The following LCN10 variants were observed in gnomAD, a reference collection of about 807,000 sequenced individuals.
LCN10 encodes lipocalin 10, also known as epididymal-specific lipocalin-10.
Under a neutral mutation model 25.1 loss-of-function variants are expected in LCN10, and 18 were observed. The ratio of observed to expected loss-of-function variants is 0.72; its 90% confidence interval spans 0.50 to 1.06. LCN10 has a LOEUF of 1.06. LCN10 is among the 50% of genes least tolerant of loss of function. The pLI is 0.00. For synonymous variants in LCN10, 130 were observed against 116.7 expected, an observed-to-expected ratio of 1.11 and a Z score of -0.73; for missense variants, 257 against 258.9, an observed-to-expected ratio of 0.99 and a Z score of 0.05.
Position 136,741,900 on chromosome 9 carries a change from C to A in LCN10, c.238G>T (p.Val80Leu). The stretch of plus-strand genomic sequence containing the variant: ...ACTCACCGTCTGAAGGCGAGGAGCA[C>A]GCGGAGCTGGCCCACTTTGTTCACC... ...VKVNKVGQLR[V>L]LLAFRRLKGC... Residue 80 changes from valine to leucine, a missense_variant, in exon 2 of 6, where the codon GTG becomes TTG. Coordinates refer to ENST00000497771, the MANE Select transcript of LCN10 (RefSeq NM_001001712.3). The A allele has an allele frequency of 6.2e-7, 1 of 1,607,766 alleles. No homozygotes were observed. Among genetic ancestry groups the A allele is most frequent in the Non-Finnish European group, 8.5e-7 (1 of 1,177,584 alleles).
intron 3 of LCN10, 130 bp downstream of exon 3, chr9:136,741,121 GT>G (rs1846923467): frequency 9.9e-7 from 1 of 1,011,284 alleles, no homozygotes; most frequent in South Asian, 1.5e-5. Context: ...CACATGACGT[GT>G]GGGCTCTGGG....
rs560804350 is a variant in LCN10, at chr9:136,742,295, G to C, written c.118-275C>G. On this transcript the variant is annotated intron_variant, in intron 1 of 5. Coordinates refer to ENST00000497771, the MANE Select transcript of LCN10 (RefSeq NM_001001712.3). ...GGAGGCCCCCTACCTCAGAGGCCCC[G>C]GCTCCTTCCCACATGGCCTCCTGGG... 397 of 485,814 alleles carry C rather than the reference G, an allele frequency of 8.2e-4. 1 individual carries two copies. The highest frequency in any genetic ancestry group is 7.3e-3 in the African/African-American group (373 of 50,868). The allele number at this position is 485,814 out of a possible 1,614,324, so 30.1% of individuals were successfully genotyped here.
chr9:136,741,747 G>C lies in LCN10; in HGVS notation c.257+134C>G, dbSNP rs758301932. On this transcript the variant is annotated intron_variant, in intron 2 of 5. Coordinates refer to ENST00000497771, the MANE Select transcript of LCN10 (RefSeq NM_001001712.3). Reference sequence around the variant, plus strand: ...CTGCAGGTGGCTTCCTCTGAGTTTAGGGGGAGGAAGTGGGGGGACGGTTCT... The same window carrying C: ...CTGCAGGTGGCTTCCTCTGAGTTTACGGGGAGGAAGTGGGGGGACGGTTCT... 486 of 1,244,448 alleles carry C rather than the reference G, an allele frequency of 3.9e-4. 2 individuals are homozygous for C. The highest frequency in any genetic ancestry group is 5.1e-4 in the Non-Finnish European group (465 of 920,526). 77.1% of individuals were successfully genotyped at this position (1,244,448 alleles called of 1,614,324 possible).
chr9:136,742,751 G>C, intron 1 of LCN10, 36 bp downstream of exon 1: 2 of 1,609,784 alleles, frequency 1.2e-6, no homozygotes, highest in Non-Finnish European at 1.7e-6. Context: ...CTCCAGAGCC[G>C]GCGCCCGGCT....
Position 136,739,229 on chromosome 9 carries a change from G to T in LCN10, c.*296C>A. On this transcript the variant is annotated 3_prime_UTR_variant, in exon 6 of 6. Transcript: ENST00000497771. The surrounding 1 kb of genome is among the most constrained non-coding windows in gnomAD (Gnocchi z 6.1). ...CACACGGCGAGGACTGCGTTGGGCC[G>T]GCCTGTGGTCTGTTTCACAGCAGAC... The T allele has an allele frequency of 2.4e-6, 1 of 420,898 alleles. No homozygotes were observed. The highest frequency in any genetic ancestry group is 2.6e-5 in the South Asian group (1 of 38,960). 26.1% of individuals were successfully genotyped at this position (420,898 alleles called of 1,614,324 possible).
rs924821637 is a variant in LCN10 at position 136,738,667 on chromosome 9, GC to G, written c.*857del. The G allele has an allele frequency of 1.3e-5, 2 of 152,304 alleles. No homozygotes were observed. Among genetic ancestry groups the G allele is most frequent in the African/African-American group, 4.8e-5 (2 of 41,514 alleles). The allele number at this position is 152,304 out of a possible 1,614,324, so 9.4% of individuals were successfully genotyped here. A position where few individuals can be genotyped will look rare whatever the true frequency, so the allele number is the denominator to read the frequency against. On this transcript the variant is annotated 3_prime_UTR_variant, in exon 6 of 6. Coordinates refer to ENST00000497771, the MANE Select transcript of LCN10 (RefSeq NM_001001712.3). Reference sequence around the variant, plus strand: ...GTGGGCCCCCTCCTGCTCCTCTGTGGCTCTCCCCGCCGCCATTCTGATACTG... The same window carrying G: ...GTGGGCCCCCTCCTGCTCCTCTGTGGTCTCCCCGCCGCCATTCTGATACTG...
rs1179280331 is a variant in LCN10 at position 136,741,313 on chromosome 9, C to G, written c.306G>C (p.Lys102Asn). 1 of 1,613,462 alleles carries G rather than the reference C, an allele frequency of 6.2e-7. No individual in the cohort carries two copies. Among genetic ancestry groups the G allele is most frequent in the South Asian group, 1.1e-5 (1 of 91,090 alleles). The stretch of plus-strand genomic sequence containing the variant: ...CACAGGCGTTCCCAAACACCGGCTT[C>G]TTCCCGTCTTTCCTCAGGATCACCT... ...SQEVILRKDG[K>N]KPVFGNACAY... The change falls in exon 3 of 6, where the codon AAG becomes AAC. Residue 102 changes from lysine (K) to asparagine (N), a missense_variant. Physicochemically the swap from Lys to Asn is moderately conservative, Grantham distance 94. Transcript: ENST00000497771.
In LCN10 at chr9:136,739,845, A is replaced by T; in HGVS notation, c.574+105T>A. 1.0e-6 allele frequency: 1 copy of T among 998,422 alleles called. No homozygotes were observed. The highest frequency in any genetic ancestry group is 1.4e-5 in the South Asian group (1 of 72,976). The allele number at this position is 998,422 out of a possible 1,614,324, so 61.8% of individuals were successfully genotyped here. A position where few individuals can be genotyped will look rare whatever the true frequency, so the allele number is the denominator to read the frequency against. ...CGTTTGGGCGGATCTTTCAAATGGC[A>T]CCTTTCAAATGGATCCTTTCATCTC... On this transcript the variant is annotated intron_variant, in intron 5 of 5. Coordinates refer to ENST00000497771, the MANE Select transcript of LCN10 (RefSeq NM_001001712.3). The surrounding 1 kb of genome is among the most constrained non-coding windows in gnomAD (Gnocchi z 6.1).
chr9:136,742,475 C>A, intron 1 of LCN10: 1 of 467,096 alleles, frequency 2.1e-6, no homozygotes, highest in Non-Finnish European at 3.8e-6. Flanking sequence ...ACAGAATATG[C>A]CCCGCTTGCT....
chr9:136,741,976 C>G lies in LCN10; in HGVS notation c.162G>C (p.Gln54His). 6.2e-7 allele frequency: 1 copy of G among 1,612,870 alleles called. No homozygotes were observed. The highest frequency in any genetic ancestry group is 8.5e-7 in the Non-Finnish European group (1 of 1,179,662). ...TCTTGTCCCTGGCCGGCAAGAATCC[C>G]TGGGCATCAGTGGCAGTGGCCAGAA... ...WYILATATDA[Q>H]GFLPARDKRK... The change falls in exon 2 of 6, where the codon CAG becomes CAC. Residue 54 changes from glutamine to histidine, a missense_variant. Coordinates refer to ENST00000497771, the MANE Select transcript of LCN10 (RefSeq NM_001001712.3).
At position 136,739,840 on chromosome 9, in the gene LCN10, A is replaced by G; in HGVS notation, c.574+110T>C. The G allele has an allele frequency of 1.0e-6, 1 of 989,008 alleles. No homozygotes were observed. The highest frequency in any genetic ancestry group is 1.6e-6 in the Non-Finnish European group (1 of 635,308). 61.3% of individuals were successfully genotyped at this position (989,008 alleles called of 1,614,324 possible). On this transcript the variant is annotated intron_variant, in intron 5 of 5. Transcript: ENST00000497771. This position sits in a 1 kb window ranked among gnomAD's most constrained non-coding sequence, Gnocchi z 6.1. ...AGGCACGTTTGGGCGGATCTTTCAAATGGCACCTTTCAAATGGATCCTTTC... is the reference window on the plus strand; with the variant it reads ...AGGCACGTTTGGGCGGATCTTTCAAGTGGCACCTTTCAAATGGATCCTTTC...
At position 136,741,276 on chromosome 9, in the gene LCN10, C is replaced by G; in HGVS notation, c.343G>C (p.Gly115Arg). The G allele has an allele frequency of 6.2e-7, 1 of 1,613,584 alleles. No individual in the cohort carries two copies. The highest frequency in any genetic ancestry group is 1.1e-5 in the South Asian group (1 of 91,084). The change falls in exon 3 of 6, where the codon GGC becomes CGC. Residue 115 changes from glycine (G) to arginine (R), a missense_variant. Coordinates refer to ENST00000497771, the MANE Select transcript of LCN10 (RefSeq NM_001001712.3). ...VFGNACAYAAGPREGQEGVKG... is the reference protein window; with the variant it reads ...VFGNACAYAARPREGQEGVKG... ...CCTCCCTCCTGTCCTTCCCTCGGGCCCGCCGCGTATGCACAGGCGTTCCCA... is the reference window on the plus strand; with the variant it reads ...CCTCCCTCCTGTCCTTCCCTCGGGCGCGCCGCGTATGCACAGGCGTTCCCA...
intron 3 of LCN10, 72 bp from the exon 4 acceptor site, chr9:136,741,015 C>G (rs752968140): frequency 4.3e-6 from 6 of 1,379,354 alleles, no homozygotes; most frequent in African/African-American, 1.4e-5. Flanking sequence ...GCCCTGACCC[C>G]TGGTGCCCGA....
At position 136,740,810 on chromosome 9, in the gene LCN10, C is replaced by T; in HGVS notation, c.475+26G>A. 1 of 1,587,280 alleles carries T rather than the reference C, an allele frequency of 6.3e-7. No homozygotes were observed. The highest frequency in any genetic ancestry group is 2.2e-5 in the East Asian group (1 of 44,658). On this transcript the variant is annotated intron_variant, in intron 4 of 5. Coordinates refer to ENST00000497771, the MANE Select transcript of LCN10 (RefSeq NM_001001712.3). The surrounding 1 kb of genome is among the most constrained non-coding windows in gnomAD (Gnocchi z 5.3). The stretch of plus-strand genomic sequence containing the variant: ...CTCCCTCTGCACCCCCTCCACCATC[C>T]TCTGCCATCCGCTGTGCCTGCTCAC...
intron 2 of LCN10, 114 bp downstream of exon 2, chr9:136,741,767 G>A (rs550869025): frequency 8.8e-5 from 120 of 1,363,624 alleles, no homozygotes; most frequent in Non-Finnish European, 1.0e-4. Context: ...GTGGGGGGAC[G>A]GTTCTTGTGG....
Position 136,739,861 on chromosome 9 carries a change from C to G in LCN10, c.574+89G>C. Reference sequence around the variant, plus strand: ...TCAAATGGCACCTTTCAAATGGATCCTTTCATCTCTCCTTCCCCCAATGAA... The same window carrying G: ...TCAAATGGCACCTTTCAAATGGATCGTTTCATCTCTCCTTCCCCCAATGAA... On this transcript the variant is annotated intron_variant, in intron 5 of 5. Transcript: ENST00000497771. The surrounding 1 kb of genome is among the most constrained non-coding windows in gnomAD (Gnocchi z 6.1). 9.2e-7 allele frequency: 1 copy of G among 1,086,768 alleles called. No individual in the cohort carries two copies. The highest frequency in any genetic ancestry group is 1.4e-6 in the Non-Finnish European group (1 of 723,310). 67.3% of individuals were successfully genotyped at this position (1,086,768 alleles called of 1,614,324 possible).
intron 2 of LCN10, chr9:136,741,563 C>T (rs920387071): frequency 3.5e-5 from 21 of 606,438 alleles, no homozygotes; most frequent in Non-Finnish European, 5.0e-5. Flanking sequence ...TTTTCCAATT[C>T]GGACTGGGGC....
chr9:136,740,806 C>T lies in LCN10; in HGVS notation c.475+30G>A. The T allele has an allele frequency of 6.4e-7, 1 of 1,574,272 alleles. No homozygotes were observed. The highest frequency in any genetic ancestry group is 8.7e-7 in the Non-Finnish European group (1 of 1,152,380). ...ATGCCTCCCTCTGCACCCCCTCCAC[C>T]ATCCTCTGCCATCCGCTGTGCCTGC... On this transcript the variant is annotated intron_variant, in intron 4 of 5. Transcript: ENST00000497771. The surrounding 1 kb of genome is among the most constrained non-coding windows in gnomAD (Gnocchi z 5.3).
Position 136,739,989 on chromosome 9 carries a change from G to T in LCN10, c.535C>A (p.Leu179Met). ...LKEFMDACDI[L>M]GLSKAAVILP... The stretch of plus-strand genomic sequence containing the variant: ...ATGACGGCGGCCTTGGAGAGCCCCA[G>T]AATGTCACAAGCGTCCATGAATTCC... Residue 179 changes from leucine to methionine, a missense_variant, in exon 5 of 6, where the codon CTG (leucine) becomes ATG (methionine). Physicochemically the swap from Leu to Met is conservative, Grantham distance 15 (BLOSUM62 2). Coordinates refer to ENST00000497771, the MANE Select transcript of LCN10 (RefSeq NM_001001712.3). This position sits in a 1 kb window ranked among gnomAD's most constrained non-coding sequence, Gnocchi z 6.1. 1 of 1,593,006 alleles carries T rather than the reference G, an allele frequency of 6.3e-7. No individual in the cohort carries two copies.
Sources: gnomAD v4.1 joint callset for allele counts on GRCh38, gnomAD v4.1.1 for gene constraint, Gnocchi (gnomAD v3.1) non-coding constraint, MANE v1.5 for transcripts, NCBI Gene and HGNC (gene_info 2026-07-23, HGNC 2026-07-21) for gene names.